The following IQCJ variants were observed in gnomAD, a reference collection of about 807,000 sequenced individuals.
IQCJ encodes IQ motif containing J, also known as IQ domain-containing protein J.
Under a neutral mutation model 11.0 loss-of-function variants are expected in IQCJ, and 9 were observed. The ratio of observed to expected loss-of-function variants is 0.82; its 90% confidence interval spans 0.49 to 1.43. The LOEUF (loss-of-function observed/expected upper bound fraction) is 1.43, where lower values mean the gene tolerates loss of function less well. Among genes scored for constraint, IQCJ ranks in the 40% most tolerant of loss-of-function variants. The pLI is 0.00. For missense variants in IQCJ, 146 were observed against 133.2 expected (o/e 1.10, Z -0.47); for synonymous variants, 55 against 51.3 (o/e 1.07, Z -0.31).
chr3:159,161,359 C>T (rs1439267275), intron 1 of IQCJ, among the ~76,000 whole-genome samples: 1 of 152,094 alleles, frequency 6.6e-6, no homozygotes, highest in Non-Finnish European at 1.5e-5. Context: ...TGTCCTTTGC[C>T]CACTTTTTGA....
intron 1 of IQCJ, among the ~76,000 whole-genome samples, chr3:159,148,089 C>CAA (rs1223433076): frequency 2.0e-5 from 3 of 152,220 alleles, no homozygotes; most frequent in Non-Finnish European, 4.4e-5. Context: ...TTGTTGAACT[C>CAA]AAACTGGATA....
Position 159,113,096 on chromosome 3 carries a change from CA to C in IQCJ, c.9+43656del, listed in dbSNP as rs1718736984. On this transcript the variant is annotated intron_variant, in intron 1 of 3. Transcript: ENST00000397832. The stretch of plus-strand genomic sequence containing the variant: ...TTGGTTGATGGGCTGTAGGTGAACT[CA>C]GGTTTGATTTGAAGTGAAAAACCAT... 2.0e-5 allele frequency among the ~76,000 whole-genome samples: 3 copies of C among 152,308 alleles called. No homozygotes were observed. The South Asian group carries it at 6.2e-4, about 32-fold the overall frequency.
At chr3:159,075,416 A>C (rs1715845152) in intron 1 of IQCJ, among the ~76,000 whole-genome samples, 3 of 152,116 alleles carry the variant, frequency 2.0e-5, no homozygotes, top group African/African-American at 7.2e-5. Flanking sequence ...TGTGCCTAAC[A>C]AGCTGTGACA....
chr3:159,074,460 A>G (rs6441247), intron 1 of IQCJ, among the ~76,000 whole-genome samples: 151,966 of 152,206 alleles, frequency 1, 75,863 homozygotes, highest in Middle Eastern at 1. Flanking sequence ...GACAGGAGGA[A>G]GATCTTGTTG....
intron 1 of IQCJ, among the ~76,000 whole-genome samples, chr3:159,203,641 G>T (rs1422185807): frequency 6.6e-6 from 1 of 152,210 alleles, no homozygotes; most frequent in South Asian, 2.1e-4. Context: ...GAGGAGGTGG[G>T]TGCTGTATCA....
At chr3:159,072,849 A>G (rs937415187) in intron 1 of IQCJ, among the ~76,000 whole-genome samples, 1 of 152,098 alleles carries the variant, frequency 6.6e-6, no homozygotes, top group African/African-American at 2.4e-5. Context: ...CCCAGATTCT[A>G]GAGCCCAGCC....
intron 1 of IQCJ, among the ~76,000 whole-genome samples, chr3:159,147,638 T>A (rs1720993231): frequency 6.6e-6 from 1 of 152,142 alleles, no homozygotes; most frequent in Non-Finnish European, 1.5e-5. Context: ...GGGAGGGGAA[T>A]TAAGAAGATG....
intron 1 of IQCJ, among the ~76,000 whole-genome samples, chr3:159,105,383 G>T (rs772024354): frequency 6.6e-6 from 1 of 152,106 alleles, no homozygotes; most frequent in East Asian, 1.9e-4. Flanking sequence ...GTAGGCTGAC[G>T]GGGAAGATAA....
chr3:159,079,192 G>C (rs1309325052), intron 1 of IQCJ, among the ~76,000 whole-genome samples: 2 of 152,034 alleles, frequency 1.3e-5, no homozygotes, highest in African/African-American at 2.4e-5. Flanking sequence ...GTCATTGTGG[G>C]GGCTTGGGCA....
At chr3:159,105,602 G>A (rs1449903140) in intron 1 of IQCJ, among the ~76,000 whole-genome samples, 4 of 152,080 alleles carry the variant, frequency 2.6e-5, no homozygotes, top group South Asian at 2.1e-4. Context: ...TATTTAGACT[G>A]TTTGGTCAGG....
At chr3:159,199,375 T>G (rs1415261835) in intron 1 of IQCJ, among the ~76,000 whole-genome samples, 2 of 152,176 alleles carry the variant, frequency 1.3e-5, no homozygotes, top group Non-Finnish European at 2.9e-5. Flanking sequence ...AGCCAAGGAA[T>G]GTAGGCAGCC....
chr3:159,074,872 G>T (rs1715812815), intron 1 of IQCJ, among the ~76,000 whole-genome samples: 1 of 152,060 alleles, frequency 6.6e-6, no homozygotes, highest in Non-Finnish European at 1.5e-5. Flanking sequence ...AGGCTGACAA[G>T]ACTGGCCTAT....
intron 1 of IQCJ, among the ~76,000 whole-genome samples, chr3:159,177,530 C>A (rs1451642564): frequency 6.6e-6 from 1 of 152,128 alleles, no homozygotes; most frequent in African/African-American, 2.4e-5. Context: ...CAATCCCACT[C>A]AGGTATTTCC....
chr3:159,116,132 G>T (rs1411002712), intron 1 of IQCJ, among the ~76,000 whole-genome samples: 2 of 152,132 alleles, frequency 1.3e-5, no homozygotes, highest in Non-Finnish European at 1.5e-5. Flanking sequence ...CTACTCAGGA[G>T]GCTGAGATTG....
chr3:159,165,698 C>G (rs1722124373), intron 1 of IQCJ, among the ~76,000 whole-genome samples: 1 of 151,374 alleles, frequency 6.6e-6, no homozygotes, highest in Non-Finnish European at 1.5e-5. Context: ...ACTGCAACCT[C>G]TGCCTCCCGG....
At chr3:159,251,319 C>G (rs1727585042) in intron 2 of IQCJ, among the ~76,000 whole-genome samples, 1 of 151,902 alleles carries the variant, frequency 6.6e-6, no homozygotes, top group Non-Finnish European at 1.5e-5. Flanking sequence ...ATAACCTGGA[C>G]TATTTGAATA....
intron 1 of IQCJ, among the ~76,000 whole-genome samples, chr3:159,220,348 G>A (rs1487668119): frequency 2.0e-5 from 3 of 152,036 alleles, no homozygotes. Context: ...TTTAAATGAG[G>A]TGATACAGTG....
At chr3:159,206,399 A>G (rs999843630) in intron 1 of IQCJ, among the ~76,000 whole-genome samples, 1 of 152,132 alleles carries the variant, frequency 6.6e-6, no homozygotes, top group Non-Finnish European at 1.5e-5. Flanking sequence ...TGTACCTAGT[A>G]TCTGTTCCCT....
Position 159,263,361 on chromosome 3 carries a change from C to A in IQCJ, c.*630C>A. 1 of 768,112 alleles carries A rather than the reference C, an allele frequency of 1.3e-6. No homozygotes were observed. The highest frequency in any genetic ancestry group is 1.6e-6 in the Non-Finnish European group (1 of 631,982). The allele number at this position is 768,112 out of a possible 1,614,324, so 47.6% of individuals were successfully genotyped here. A position where few individuals can be genotyped will look rare whatever the true frequency, so the allele number is the denominator to read the frequency against. On this transcript the variant is annotated 3_prime_UTR_variant, in exon 4 of 4. Transcript: ENST00000397832. Reference sequence around the variant, plus strand: ...TTAAAAGGTAAAGTAAGCATGCCTACAGACCACAATTGACCTACAGGCCAC... The same window carrying A: ...TTAAAAGGTAAAGTAAGCATGCCTAAAGACCACAATTGACCTACAGGCCAC...
Sources: allele counts gnomAD v4.1 joint callset (sites outside exome capture counted in the v4.1 genomes callset), GRCh38; gene constraint gnomAD v4.1.1; transcripts MANE v1.5; gene names NCBI Gene and HGNC (gene_info 2026-07-23, HGNC 2026-07-21).